Variants in EVL observed in about 807,000 individuals in gnomAD.
EVL encodes the protein ena/VASP-like protein.
Under a neutral mutation model 59.6 loss-of-function variants are expected in EVL, and 21 were observed. That is an observed-to-expected ratio of 0.35 (90% confidence interval 0.25 to 0.51). The LOEUF (loss-of-function observed/expected upper bound fraction) is 0.51, where lower values mean the gene tolerates loss of function less well. Among genes scored for constraint, EVL ranks in the 20% least tolerant of loss-of-function variants. The probability of loss-of-function intolerance (pLI) is 0.97; values close to 1 mark genes in which losing one functional copy is unlikely to be tolerated. For missense variants in EVL, 462 were observed against 546.6 expected (o/e 0.85, Z 1.54); for synonymous variants, 198 against 203.5 (o/e 0.97, Z 0.23).
intron 1 of EVL, among the ~76,000 whole-genome samples, chr14:100,073,263 C>A (rs764541899): frequency 1.3e-5 from 2 of 151,810 alleles, no homozygotes; most frequent in Non-Finnish European, 2.9e-5. Flanking sequence ...GTCCCCTGGG[C>A]AGAACTAAAT....
Position 100,137,814 on chromosome 14 carries a change from C to G in EVL, c.1094+12C>G. The G allele has an allele frequency of 6.2e-7, 1 of 1,613,784 alleles. No individual in the cohort carries two copies. The highest frequency in any genetic ancestry group is 1.6e-4 in the Middle Eastern group (1 of 6,062). On this transcript the variant is annotated intron_variant, in intron 11 of 13. Transcript: ENST00000392920. ...CAGCCTCACTCTAGGTACCGAACAA[C>G]CCTCCTGCTCACATGTCCCCCAGGG...
At chr14:100,125,972 C>A (rs988068159) in intron 4 of EVL, among the ~76,000 whole-genome samples, 1 of 152,208 alleles carries the variant, frequency 6.6e-6, no homozygotes, top group Non-Finnish European at 1.5e-5. Context: ...TGTGTTTCCA[C>A]AGCACATGTT....
At chr14:100,069,405 A>G (rs1053166723) in intron 1 of EVL, among the ~76,000 whole-genome samples, 3 of 152,188 alleles carry the variant, frequency 2.0e-5, no homozygotes, top group East Asian at 1.9e-4. Flanking sequence ...TCAGCTTACA[A>G]TCCTTCGCAC....
At chr14:100,005,838 C>T (rs750955695) in intron 1 of EVL, among the ~76,000 whole-genome samples, 1 of 151,960 alleles carries the variant, frequency 6.6e-6, no homozygotes, top group African/African-American at 2.4e-5. Context: ...CCCAGGCTGT[C>T]CCGGTGGAAA....
intron 1 of EVL, among the ~76,000 whole-genome samples, chr14:99,978,329 G>A (rs2060784279): frequency 6.7e-6 from 1 of 150,344 alleles, no homozygotes; most frequent in African/African-American, 2.5e-5. Context: ...GCGAACCCGG[G>A]AGGCGGAGCT....
chr14:100,047,219 T>C (rs2061568350), intron 1 of EVL, among the ~76,000 whole-genome samples: 1 of 143,888 alleles, frequency 6.9e-6, no homozygotes, highest in Non-Finnish European at 1.5e-5. Flanking sequence ...CTGAAAACAA[T>C]CAGAGCCCTG....
intron 1 of EVL, among the ~76,000 whole-genome samples, chr14:100,055,761 G>A (rs1238994208): frequency 6.6e-6 from 1 of 152,162 alleles, no homozygotes; most frequent in Non-Finnish European, 1.5e-5. Context: ...GTTTGTGTCT[G>A]TATGTGTGCA....
chr14:100,042,930 TG>T (rs1249190153), intron 1 of EVL, among the ~76,000 whole-genome samples: 1 of 152,190 alleles, frequency 6.6e-6, no homozygotes, highest in Admixed American at 6.5e-5. Context: ...CTGAGTCTGG[TG>T]GATAACAGTG....
chr14:100,113,033 G>A (rs561514861), intron 3 of EVL, among the ~76,000 whole-genome samples: 41 of 152,356 alleles, frequency 2.7e-4, no homozygotes, highest in African/African-American at 8.7e-4. Context: ...AGAACACAGG[G>A]CTTCTTGCAG....
At chr14:100,140,408 C>CA (rs1889093075) in intron 11 of EVL, 1 of 152,112 alleles carries the variant, frequency 6.6e-6, no homozygotes, top group Non-Finnish European at 1.5e-5. Context: ...GTCAGGAGTT[C>CA]AAGACCAGCT....
At chr14:99,997,213 G>C (rs1001082269) in intron 1 of EVL, among the ~76,000 whole-genome samples, 1 of 151,844 alleles carries the variant, frequency 6.6e-6, no homozygotes. Context: ...TAACTCCTTT[G>C]GCATTTCTTG....
At chr14:99,997,143 C>T (rs1269841202) in intron 1 of EVL, among the ~76,000 whole-genome samples, 1 of 152,176 alleles carries the variant, frequency 6.6e-6, no homozygotes, top group East Asian at 1.9e-4. Flanking sequence ...GTGTCATTTC[C>T]CATCTTTATT....
intron 1 of EVL, among the ~76,000 whole-genome samples, chr14:100,046,162 C>T (rs896845812): frequency 1.3e-5 from 2 of 152,134 alleles, no homozygotes; most frequent in African/African-American, 2.4e-5. Context: ...GTCAGCATCC[C>T]TAACAAGGAA....
chr14:100,088,840 C>T (rs760281068), intron 2 of EVL, among the ~76,000 whole-genome samples: 1 of 152,168 alleles, frequency 6.6e-6, no homozygotes, highest in Non-Finnish European at 1.5e-5. Flanking sequence ...GTTAATCCTT[C>T]AGCAAGTGTC....
chr14:100,013,545 C>A (rs2140194406), intron 1 of EVL, among the ~76,000 whole-genome samples: 1 of 152,320 alleles, frequency 6.6e-6, no homozygotes. Context: ...TTTCCATAGC[C>A]ACTTGTGGAG....
intron 1 of EVL, among the ~76,000 whole-genome samples, chr14:100,075,702 G>T (rs1285223622): frequency 1.3e-5 from 2 of 152,152 alleles, no homozygotes; most frequent in Non-Finnish European, 1.5e-5. Context: ...CTGTCCTGAC[G>T]GCTTGAAAGT....
chr14:99,985,202 A>G (rs1190455577), intron 1 of EVL, among the ~76,000 whole-genome samples: 2 of 152,038 alleles, frequency 1.3e-5, no homozygotes, highest in Non-Finnish European at 2.9e-5. Context: ...ATGGAGACCT[A>G]CATAAGCCTC....
In EVL at chr14:100,130,041, G is replaced by A. The variant is rs1466820706; in HGVS notation, c.839+357G>A. ...ATCCTAACAGAAATAAGATGTGGCCGCAGTGGTCGAGTTTGCAGAGGACAC... is the reference window on the plus strand; with the variant it reads ...ATCCTAACAGAAATAAGATGTGGCCACAGTGGTCGAGTTTGCAGAGGACAC... On this transcript the variant is annotated intron_variant, in intron 7 of 13. Transcript: ENST00000392920. The surrounding 1 kb of genome is among the most constrained non-coding windows in gnomAD (Gnocchi z 4.8). Among the ~76,000 whole-genome samples, 6 of 152,238 alleles carry A rather than the reference G, an allele frequency of 3.9e-5. No homozygotes were observed. Among genetic ancestry groups the A allele is most frequent in the Admixed American group, 1.3e-4 (2 of 15,284 alleles).
At chr14:100,120,034 C>T (rs951421021) in intron 3 of EVL, among the ~76,000 whole-genome samples, 2 of 152,188 alleles carry the variant, frequency 1.3e-5, no homozygotes, top group African/African-American at 4.8e-5. Context: ...ATCTGAAACT[C>T]ACAGCCCTGA....
Sources: gnomAD v4.1 joint callset for allele counts (sites outside exome capture counted in the v4.1 genomes callset) on GRCh38, gnomAD v4.1.1 for gene constraint, Gnocchi (gnomAD v3.1) non-coding constraint, MANE v1.5 for transcripts, NCBI Gene and HGNC (gene_info 2026-07-23, HGNC 2026-07-21) for gene names.